The following NPAS2 variants were observed in gnomAD, a reference collection of about 807,000 sequenced individuals.
NPAS2 encodes neuronal PAS domain protein 2.
Under a neutral mutation model 107.5 loss-of-function variants are expected in NPAS2, and 23 were observed. The observed-to-expected ratio is 0.21, with a 90% CI of 0.15 to 0.30. The LOEUF (loss-of-function observed/expected upper bound fraction) is 0.30, where lower values mean the gene tolerates loss of function less well. Among genes scored for constraint, NPAS2 ranks in the 10% least tolerant of loss-of-function variants. The pLI, the probability that NPAS2 is intolerant of heterozygous loss-of-function variation, is 1.00. For missense variants in NPAS2, 756 were observed against 1,043.3 expected, an observed-to-expected ratio of 0.72 and a Z score of 3.79; for synonymous variants, 403 against 417.5, an observed-to-expected ratio of 0.97 and a Z score of 0.42.
chr2:100,935,329 G>A (rs981807119), intron 4 of NPAS2, among the ~76,000 whole-genome samples: 2 of 152,222 alleles, frequency 1.3e-5, no homozygotes, highest in Non-Finnish European at 1.5e-5. Context: ...GGAATTTGCA[G>A]AAAGGGAAGG....
At chr2:100,960,749 G>T (rs1675870222) in intron 7 of NPAS2, among the ~76,000 whole-genome samples, 1 of 152,050 alleles carries the variant, frequency 6.6e-6, no homozygotes, top group Admixed American at 6.5e-5. Flanking sequence ...GCCACCTTGG[G>T]GTCCCAAGGT....
chr2:100,927,226 GC>G (rs977927890), intron 3 of NPAS2, among the ~76,000 whole-genome samples: 3 of 151,964 alleles, frequency 2.0e-5, no homozygotes, highest in African/African-American at 4.8e-5. Flanking sequence ...GAGCCACCAC[GC>G]CCAGCCTAAA....
intron 7 of NPAS2, 82 bp from the exon 8 acceptor site, chr2:100,963,976 T>G (rs532559655): frequency 1.2e-6 from 1 of 827,960 alleles, no homozygotes; most frequent in Admixed American, 1.9e-5. Context: ...AGCGCTTGGC[T>G]TACAGTTAAG....
chr2:100,913,504 G>A (rs1482194380), intron 2 of NPAS2, among the ~76,000 whole-genome samples: 1 of 152,190 alleles, frequency 6.6e-6, no homozygotes, highest in Non-Finnish European at 1.5e-5. Flanking sequence ...TAGTAGCAGG[G>A]AAGCCTGATA....
rs142351374 is a variant in NPAS2, at chr2:100,942,526, T to G, written c.363+4684T>G. On this transcript the variant is annotated intron_variant, in intron 5 of 20. Transcript: ENST00000335681. ...AGATTCCAGGCCTCTAGTTAGATTT[T>G]TTTTATGCCTTTTGATTTTTATATA... 5.1e-3 allele frequency among the ~76,000 whole-genome samples: 779 copies of G among 151,838 alleles called. 3 individuals are homozygous for G. Among genetic ancestry groups the G allele is most frequent in the Non-Finnish European group, 7.9e-3 (534 of 67,938 alleles).
chr2:100,954,656 CTG>C (rs199688536), intron 7 of NPAS2, among the ~76,000 whole-genome samples: 4,718 of 103,912 alleles, frequency 0.045, 311 homozygotes, highest in African/African-American at 0.17. Context: ...CATAGTAAAA[CTG>C]TGTCTCAAAA....
chr2:100,974,790 G>A lies in NPAS2; in HGVS notation c.1141-13G>A. ...GATGCTGACATGAGGACTGTTTGAT[G>A]TGTGTGTTTCAGGACAAGGGCTCAA... On this transcript the variant is annotated splice_polypyrimidine_tract_variant and intron_variant, in intron 12 of 20. Transcript: ENST00000335681. The A allele has an allele frequency of 6.2e-7, 1 of 1,612,658 alleles. No individual in the cohort carries two copies. The highest frequency in any genetic ancestry group is 8.5e-7 in the Non-Finnish European group (1 of 1,179,238).
intron 1 of NPAS2, among the ~76,000 whole-genome samples, chr2:100,821,875 A>T (rs556566630): frequency 6.6e-6 from 1 of 152,368 alleles, no homozygotes; most frequent in African/African-American, 2.4e-5. Flanking sequence ...ATAAAAGCAA[A>T]AATTCAGTGT....
intron 1 of NPAS2, among the ~76,000 whole-genome samples, chr2:100,874,674 G>T (rs1465859267): frequency 6.6e-6 from 1 of 152,014 alleles, no homozygotes; most frequent in East Asian, 1.9e-4. Context: ...CCCGGGAGGC[G>T]GAGGTTGCAG....
intron 1 of NPAS2, among the ~76,000 whole-genome samples, chr2:100,870,204 T>A (rs1679498010): frequency 6.6e-6 from 1 of 152,150 alleles, no homozygotes; most frequent in Non-Finnish European, 1.5e-5. Context: ...TGGCCCAGAC[T>A]CCTGACTTTC....
chr2:100,975,439 AT>A lies in NPAS2; in HGVS notation c.1283-17del. 6.2e-7 allele frequency: 1 copy of A among 1,605,422 alleles called. No homozygotes were observed. The highest frequency in any genetic ancestry group is 8.5e-7 in the Non-Finnish European group (1 of 1,174,740). Reference sequence around the variant, plus strand: ...CTAAGTACATGGAAGTTAGAAGGTCATTCGTTGCTTTCTTACAGCCACTCCC... The same window carrying A: ...CTAAGTACATGGAAGTTAGAAGGTCATCGTTGCTTTCTTACAGCCACTCCC... On this transcript the variant is annotated intron_variant, in intron 13 of 20. Coordinates refer to ENST00000335681, the MANE Select transcript of NPAS2 (RefSeq NM_002518.4).
chr2:100,988,658 G>A, intron 17 of NPAS2: 2 of 326,776 alleles, frequency 6.1e-6, no homozygotes, highest in South Asian at 5.0e-5. Flanking sequence ...CATCTACTCT[G>A]GTTTTAACCA....
At chr2:100,826,851 A>G (rs569247796) in intron 1 of NPAS2, among the ~76,000 whole-genome samples, 1 of 152,268 alleles carries the variant, frequency 6.6e-6, no homozygotes, top group South Asian at 2.1e-4. Flanking sequence ...CTAACACAAG[A>G]TATTTTCCAG....
At chr2:100,861,899 G>A (rs1045765000) in intron 1 of NPAS2, among the ~76,000 whole-genome samples, 3 of 152,180 alleles carry the variant, frequency 2.0e-5, no homozygotes, top group Admixed American at 2.0e-4. Flanking sequence ...CTACCAACCC[G>A]GTGGACTGGG....
intron 20 of NPAS2, chr2:100,994,150 C>T (rs1269996423): frequency 6.6e-6 from 1 of 152,384 alleles, no homozygotes; most frequent in Non-Finnish European, 1.5e-5. Flanking sequence ...CTGGCCTTCC[C>T]TCACCCATGT....
chr2:100,958,084 T>C (rs768482157), intron 7 of NPAS2, among the ~76,000 whole-genome samples: 3 of 152,226 alleles, frequency 2.0e-5, no homozygotes, highest in Non-Finnish European at 2.9e-5. Context: ...GAAAGCAGTA[T>C]TTCAAAAGTT....
At chr2:100,832,939 G>T (rs1243247086) in intron 1 of NPAS2, among the ~76,000 whole-genome samples, 1 of 152,132 alleles carries the variant, frequency 6.6e-6, no homozygotes, top group African/African-American at 2.4e-5. Flanking sequence ...TGCCCATTTT[G>T]TACTTCTTTG....
rs1215348912 is a variant in NPAS2 at position 100,968,781 on chromosome 2, C to T, written c.1055+353C>T. 6.6e-6 allele frequency among the ~76,000 whole-genome samples: 1 copy of T among 152,210 alleles called. No homozygotes were observed. The highest frequency in any genetic ancestry group is 1.5e-5 in the Non-Finnish European group (1 of 68,042). On this transcript the variant is annotated intron_variant, in intron 11 of 20. Transcript: ENST00000335681. The surrounding 1 kb of genome is among the most constrained non-coding windows in gnomAD (Gnocchi z 5.3). Reference sequence around the variant, plus strand: ...ATCTCTATCCAGCCCACAGCCTTCCCTTGTTCCTGCTTTGAGTAGAAAATT... The same window carrying T: ...ATCTCTATCCAGCCCACAGCCTTCCTTTGTTCCTGCTTTGAGTAGAAAATT...
chr2:100,820,993 C>G lies in NPAS2; in HGVS notation c.-23+579C>G. Reference sequence around the variant, plus strand: ...GCCTGGCTCCTCACGTCGCTGCCGCCCCCCCACCCCAACTCCGGAGCTCCC... The same window carrying G: ...GCCTGGCTCCTCACGTCGCTGCCGCGCCCCCACCCCAACTCCGGAGCTCCC... On this transcript the variant is annotated intron_variant, in intron 1 of 20. Coordinates refer to ENST00000335681, the MANE Select transcript of NPAS2 (RefSeq NM_002518.4). This position sits in a 1 kb window ranked among gnomAD's most constrained non-coding sequence, Gnocchi z 5.6. 1 of 1,274,832 alleles carries G rather than the reference C, an allele frequency of 7.8e-7. No individual in the cohort carries two copies. The highest frequency in any genetic ancestry group is 5.9e-5 in the East Asian group (1 of 16,878). 79.0% of individuals were successfully genotyped at this position (1,274,832 alleles called of 1,614,324 possible). A position where few individuals can be genotyped will look rare whatever the true frequency, so the allele number is the denominator to read the frequency against.
Sources: allele counts gnomAD v4.1 joint callset (sites outside exome capture counted in the v4.1 genomes callset), GRCh38; gene constraint gnomAD v4.1.1; non-coding constraint Gnocchi (gnomAD v3.1); transcripts MANE v1.5; gene names NCBI Gene and HGNC (gene_info 2026-07-23, HGNC 2026-07-21).